TPST1: variants seen among roughly 807,000 people sequenced by gnomAD.
TPST1 encodes the protein tyrosylprotein sulfotransferase 1.
Under a neutral mutation model 34.8 loss-of-function variants are expected in TPST1, and 20 were observed. The observed-to-expected ratio is 0.57, with a 90% confidence interval of 0.40 to 0.84. The LOEUF (loss-of-function observed/expected upper bound fraction) is 0.84, where lower values mean the gene tolerates loss of function less well. TPST1 is among the 40% of genes least tolerant of loss of function. The pLI is 0.00. For synonymous variants in TPST1, 152 were observed against 159.4 expected (o/e 0.95, Z 0.35); for missense variants, 353 against 455.5 (o/e 0.78, Z 2.05).
intron 2 of TPST1, among the ~76,000 whole-genome samples, chr7:66,245,594 A>G (rs1790129861): frequency 6.6e-6 from 1 of 152,202 alleles, no homozygotes; most frequent in Non-Finnish European, 1.5e-5. Context: ...GTCCTAGGAG[A>G]AGGTTCAGGA....
chr7:66,302,477 A>G (rs73146609), intron 3 of TPST1, among the ~76,000 whole-genome samples: 31,148 of 152,162 alleles, frequency 0.2, 3,663 homozygotes, highest in East Asian at 0.3. Flanking sequence ...ATTCTCTTGT[A>G]GTATTACATG....
chr7:66,248,503 G>GTTTTT (rs373801835), intron 2 of TPST1, among the ~76,000 whole-genome samples: 5 of 124,266 alleles, frequency 4.0e-5, no homozygotes, highest in East Asian at 2.4e-4. Context: ...AACATTTAGT[G>GTTTTT]TTTTTTTTTT....
chr7:66,337,299 A>ATTT lies in TPST1; in HGVS notation c.1045-15182_1045-15180dup, dbSNP rs749288846. On this transcript the variant is annotated intron_variant, in intron 3 of 5. Transcript: ENST00000304842. ...TTTAAGTATGAAGACTAAAAGACAA[A>ATTT]TTTTTTTTTTTTTTTTTTTTTTTTT... Among the ~76,000 whole-genome samples, 719 of 107,716 alleles carry ATTT rather than the reference A, an allele frequency of 6.7e-3. 20 individuals are homozygous for ATTT. Among genetic ancestry groups the ATTT allele is most frequent in the South Asian group, 0.013 (37 of 2,904 alleles). 70.7% of individuals were successfully genotyped at this position (107,716 alleles called of 152,430 possible). A position where few individuals can be genotyped will look rare whatever the true frequency, so the allele number is the denominator to read the frequency against.
intron 3 of TPST1, among the ~76,000 whole-genome samples, chr7:66,334,285 CAG>C (rs1262055047): frequency 2.0e-5 from 3 of 151,988 alleles, no homozygotes; most frequent in Non-Finnish European, 4.4e-5. Flanking sequence ...AGTGTGATGT[CAG>C]CAAGATAGTG....
intron 3 of TPST1, among the ~76,000 whole-genome samples, chr7:66,340,325 T>G (rs1792211009): frequency 6.6e-6 from 1 of 152,168 alleles, no homozygotes; most frequent in African/African-American, 2.4e-5. Context: ...TCTCTAAGAT[T>G]AGGAACAGAC....
Position 66,228,711 on chromosome 7 carries a change from CTT to C in TPST1, c.-101-11610_-101-11609del, listed in dbSNP as rs753260691. Among the ~76,000 whole-genome samples the C allele has an allele frequency of 3.3e-5, 5 of 152,118 alleles. No homozygotes were observed. In the East Asian group the frequency reaches 7.7e-4, roughly 23 times the overall value. On this transcript the variant is annotated intron_variant, in intron 1 of 5. Coordinates refer to ENST00000304842, the MANE Select transcript of TPST1 (RefSeq NM_003596.4). ...TGTTCATAAGATGGAAAATACAAGA[CTT>C]TTTCTAGGATCATTCCTCTGCTATA...
chr7:66,320,393 G>A (rs1427349756), intron 3 of TPST1, among the ~76,000 whole-genome samples: 2 of 147,672 alleles, frequency 1.4e-5, no homozygotes, highest in African/African-American at 5.0e-5. Context: ...GACTACAGGC[G>A]CCCGCCACCA....
chr7:66,347,898 T>TAA (rs1001609605), intron 3 of TPST1, among the ~76,000 whole-genome samples: 1 of 152,208 alleles, frequency 6.6e-6, no homozygotes, highest in Non-Finnish European at 1.5e-5. Flanking sequence ...TTTCCAAATA[T>TAA]AAGGTTATAT....
intron 3 of TPST1, among the ~76,000 whole-genome samples, chr7:66,318,686 C>G (rs373946663): frequency 2.0e-5 from 3 of 152,126 alleles, no homozygotes; most frequent in African/African-American, 7.2e-5. Flanking sequence ...AGGCTGGTCT[C>G]GATCTCCTGA....
In TPST1 at chr7:66,307,589, C is replaced by T. The variant is rs186819306; in HGVS notation, c.1044+20880C>T. 2.4e-3 allele frequency among the ~76,000 whole-genome samples: 360 copies of T among 152,316 alleles called. 2 individuals carry two copies. Among genetic ancestry groups the T allele is most frequent in the African/African-American group, 7.7e-3 (319 of 41,576 alleles). ...AAGCAGTGTCCTTTTTAGATGGAAG[C>T]GGTCCAGTGTGATCATCCTGCTACA... is the stretch of plus-strand genomic sequence containing the variant. On this transcript the variant is annotated intron_variant, in intron 3 of 5. Transcript: ENST00000304842.
intron 2 of TPST1, among the ~76,000 whole-genome samples, chr7:66,253,590 C>T (rs751380601): frequency 6.6e-6 from 1 of 150,658 alleles, no homozygotes; most frequent in Non-Finnish European, 1.5e-5. Flanking sequence ...CCAGGATGGT[C>T]TCTCTCTCCT....
chr7:66,278,506 C>T (rs1404721643), intron 2 of TPST1, among the ~76,000 whole-genome samples: 1 of 151,896 alleles, frequency 6.6e-6, no homozygotes, highest in Non-Finnish European at 1.5e-5. Flanking sequence ...GACATTGGGC[C>T]GGGCGCAGTG....
At chr7:66,229,658 G>A (rs1280461914) in intron 1 of TPST1, among the ~76,000 whole-genome samples, 2 of 152,176 alleles carry the variant, frequency 1.3e-5, no homozygotes, top group East Asian at 3.9e-4. Flanking sequence ...GAATGCCATT[G>A]TTGTATGGTA....
chr7:66,356,821 A>G lies in TPST1; in HGVS notation c.1096-4A>G, dbSNP rs753989972. The G allele has an allele frequency of 1.1e-5, 18 of 1,614,042 alleles. No individual in the cohort carries two copies. In the East Asian group the frequency reaches 3.3e-4, roughly 30 times the overall value. ...ATTAAAACATCTTTTCTTTCCTTCA[A>G]CAGACTGAGCAAGTGGAGTAGCAGA... On this transcript the variant is annotated splice_polypyrimidine_tract_variant and splice_region_variant and intron_variant, in intron 4 of 5. Coordinates refer to ENST00000304842, the MANE Select transcript of TPST1 (RefSeq NM_003596.4).
rs572280782 is a variant in TPST1, at chr7:66,307,196, C to G, written c.1044+20487C>G. ...GCAGTGATGAGATCTCGGCTCACTG[C>G]AAGGTCCGCCTCCCGGGTTCATGCC... On this transcript the variant is annotated intron_variant, in intron 3 of 5. Transcript: ENST00000304842. 7.3e-5 allele frequency among the ~76,000 whole-genome samples: 11 copies of G among 150,378 alleles called. 1 individual carries two copies. Among genetic ancestry groups the G allele is most frequent in the Admixed American group, 6.6e-4 (10 of 15,158 alleles).
In TPST1 at chr7:66,309,485, T is replaced by C. The variant is rs1584228204; in HGVS notation, c.1044+22776T>C. On this transcript the variant is annotated intron_variant, in intron 3 of 5. Coordinates refer to ENST00000304842, the MANE Select transcript of TPST1 (RefSeq NM_003596.4). ...TCTGCAAGTACAAATGGGCAAAATC[T>C]AGCACAATGACCCTAGCCCTCTGAG... Among the ~76,000 whole-genome samples, 4 of 152,288 alleles carry C rather than the reference T, an allele frequency of 2.6e-5. 1 individual carries two copies. Among genetic ancestry groups the C allele is most frequent in the African/African-American group, 9.6e-5 (4 of 41,566 alleles).
At chr7:66,260,901 A>G (rs1216115567) in intron 2 of TPST1, among the ~76,000 whole-genome samples, 1 of 152,172 alleles carries the variant, frequency 6.6e-6, no homozygotes, top group African/African-American at 2.4e-5. Context: ...AGCAAGCACT[A>G]TTCCTTGTTC....
At chr7:66,333,363 C>T (rs1037103120) in intron 3 of TPST1, among the ~76,000 whole-genome samples, 1 of 152,174 alleles carries the variant, frequency 6.6e-6, no homozygotes, top group African/African-American at 2.4e-5. Flanking sequence ...ATAGAGCTCA[C>T]ATTTGTATAT....
chr7:66,331,377 T>C (rs912158525), intron 3 of TPST1, among the ~76,000 whole-genome samples: 65 of 152,294 alleles, frequency 4.3e-4, no homozygotes, highest in African/African-American at 1.5e-3. Flanking sequence ...TTAATCCAAG[T>C]ACAGAATTGG....
Sources: gnomAD v4.1 joint callset for allele counts (sites outside exome capture counted in the v4.1 genomes callset) on GRCh38, gnomAD v4.1.1 for gene constraint, MANE v1.5 for transcripts, NCBI Gene and HGNC (gene_info 2026-07-23, HGNC 2026-07-21) for gene names.